Variants in TRHDE observed in about 807,000 individuals in gnomAD.
TRHDE encodes thyrotropin releasing hormone degrading enzyme, also known as thyrotropin-releasing hormone-degrading ectoenzyme.
A neutral mutation model predicts 125.7 loss-of-function variants in TRHDE; 72 were observed. The ratio of observed to expected loss-of-function variants is 0.57; its 90% CI spans 0.47 to 0.70. TRHDE has a LOEUF of 0.70. Among genes scored for constraint, TRHDE ranks in the 30% least tolerant of loss-of-function variants. The pLI, the probability that TRHDE is intolerant of heterozygous loss-of-function variation, is 0.00. For missense variants in TRHDE, 1,110 were observed against 1,327.1 expected, an observed-to-expected ratio of 0.84 and a Z score of 2.54; for synonymous variants, 509 against 509.1, an observed-to-expected ratio of 1.00 and a Z score of 0.00.
intron 12 of TRHDE, among the ~76,000 whole-genome samples, chr12:72,592,388 G>T (rs2136048809): frequency 7.3e-6 from 1 of 136,878 alleles, no homozygotes; most frequent in Non-Finnish European, 1.5e-5. Flanking sequence ...AGTTCTTTGA[G>T]GACAGTTATA....
At chr12:72,464,911 G>A (rs1876297002) in intron 3 of TRHDE, among the ~76,000 whole-genome samples, 1 of 152,058 alleles carries the variant, frequency 6.6e-6, no homozygotes, top group Non-Finnish European at 1.5e-5. Flanking sequence ...ACATTCACTA[G>A]TATTATATGA....
chr12:72,535,214 G>C (rs571434949), intron 6 of TRHDE, among the ~76,000 whole-genome samples: 1 of 152,080 alleles, frequency 6.6e-6, no homozygotes, highest in East Asian at 1.9e-4. Context: ...TAATATAGTT[G>C]TCATCATCAT....
chr12:72,377,548 T>C (rs911094672), intron 2 of TRHDE, among the ~76,000 whole-genome samples: 1 of 152,130 alleles, frequency 6.6e-6, no homozygotes, highest in African/African-American at 2.4e-5. Flanking sequence ...ATTATAGATA[T>C]ATATTCTCAG....
chr12:72,241,876 T>C (rs1393265218), intron 2 of TRHDE, among the ~76,000 whole-genome samples: 1 of 152,194 alleles, frequency 6.6e-6, no homozygotes, highest in Non-Finnish European at 1.5e-5. Context: ...TACTGGTCTC[T>C]TGTCATGGTT....
intron 2 of TRHDE, among the ~76,000 whole-genome samples, chr12:72,233,957 A>G (rs1464592452): frequency 3.3e-5 from 5 of 152,170 alleles, no homozygotes; most frequent in Non-Finnish European, 5.9e-5. Context: ...TCCCAAGTGT[A>G]TGCTCAATTC....
chr12:72,656,537 T>C (rs1388033867), intron 17 of TRHDE, among the ~76,000 whole-genome samples: 1 of 152,290 alleles, frequency 6.6e-6, no homozygotes, highest in South Asian at 2.1e-4. Context: ...GCAGCTCCTC[T>C]TGCCTTTTAT....
At chr12:72,250,796 C>T (rs1878664876) in intron 2 of TRHDE, among the ~76,000 whole-genome samples, 1 of 143,526 alleles carries the variant, frequency 7.0e-6, no homozygotes, top group African/African-American at 2.6e-5. Flanking sequence ...TTTTACTTGA[C>T]TTTTCCCCAA....
intron 3 of TRHDE, among the ~76,000 whole-genome samples, chr12:72,442,115 C>T (rs1168705763): frequency 1.3e-5 from 2 of 151,886 alleles, no homozygotes; most frequent in African/African-American, 4.8e-5. Flanking sequence ...TTTACGTTGG[C>T]ATCCTGCTTC....
intron 3 of TRHDE, among the ~76,000 whole-genome samples, 200 bp from the exon 4 acceptor site, chr12:72,469,558 A>G (rs745534033): frequency 1.3e-5 from 2 of 152,196 alleles, no homozygotes; most frequent in Non-Finnish European, 2.9e-5. Flanking sequence ...ACTGTGATGA[A>G]TGGATATGAC....
At chr12:72,238,339 TTA>T (rs1252345327) in intron 2 of TRHDE, among the ~76,000 whole-genome samples, 1,652 of 21,034 alleles carry the variant, frequency 0.079, 134 homozygotes, top group African/African-American at 0.14. Flanking sequence ...TATATACACA[TTA>T]TATATATATA....
At chr12:72,154,818 C>A (rs879329000) in intron 2 of TRHDE, among the ~76,000 whole-genome samples, 11 of 152,116 alleles carry the variant, frequency 7.2e-5, no homozygotes, top group Non-Finnish European at 1.2e-4. Flanking sequence ...TCTCTGGCTG[C>A]CCTTAACATT....
chr12:72,583,957 G>T (rs1871342658), intron 12 of TRHDE, among the ~76,000 whole-genome samples: 1 of 76,970 alleles, frequency 1.3e-5, no homozygotes, highest in Non-Finnish European at 2.0e-5. Context: ...TTTTGAGACG[G>T]AGTCTCGCTG....
chr12:72,146,673 G>C (rs583151), intron 2 of TRHDE, among the ~76,000 whole-genome samples: 1 of 152,210 alleles, frequency 6.6e-6, no homozygotes, highest in East Asian at 1.9e-4. Context: ...GTAGTGTCTA[G>C]GGCTGGGTGT....
chr12:72,532,459 T>C (rs573805222), intron 6 of TRHDE, among the ~76,000 whole-genome samples: 130 of 151,364 alleles, frequency 8.6e-4, no homozygotes, highest in African/African-American at 3.0e-3. Context: ...TGAATAGAAA[T>C]ATTAGTAGAG....
intron 5 of TRHDE, among the ~76,000 whole-genome samples, chr12:72,496,771 A>G (rs1287727608): frequency 6.6e-6 from 1 of 152,126 alleles, no homozygotes; most frequent in East Asian, 1.9e-4. Flanking sequence ...TCATAGTTTC[A>G]GGTAGACAGT....
At chr12:72,355,361 A>T (rs1318306403) in intron 2 of TRHDE, among the ~76,000 whole-genome samples, 1 of 151,628 alleles carries the variant, frequency 6.6e-6, no homozygotes. Context: ...CTTACCATGC[A>T]TACCTTGTAG....
chr12:72,353,877 A>C (rs1259534484), intron 2 of TRHDE, among the ~76,000 whole-genome samples: 1 of 144,906 alleles, frequency 6.9e-6, no homozygotes, highest in Non-Finnish European at 1.5e-5. Flanking sequence ...CTTCTTGTAG[A>C]TCTTATGGAA....
intron 2 of TRHDE, among the ~76,000 whole-genome samples, chr12:72,117,116 T>G (rs1875463283): frequency 1.3e-5 from 2 of 152,066 alleles, no homozygotes; most frequent in Non-Finnish European, 2.9e-5. Context: ...TTCCATTTTT[T>G]CATTGGTTGC....
intron 12 of TRHDE, among the ~76,000 whole-genome samples, chr12:72,577,514 G>A: frequency 6.6e-6 from 1 of 152,200 alleles, no homozygotes. Flanking sequence ...TAATAAAAGA[G>A]CCAGAGGATA....
Sources: allele counts gnomAD v4.1 joint callset (sites outside exome capture counted in the v4.1 genomes callset), GRCh38; gene constraint gnomAD v4.1.1; transcripts MANE v1.5; gene names NCBI Gene and HGNC (gene_info 2026-07-23, HGNC 2026-07-21).